Variants in LNX1 observed in about 807,000 individuals in gnomAD.
The protein encoded by LNX1 is ligand of numb-protein X 1.
A neutral mutation model predicts 68.4 loss-of-function variants in LNX1; 54 were observed. That is an observed-to-expected ratio of 0.79 (90% CI 0.63 to 0.99). The LOEUF (loss-of-function observed/expected upper bound fraction) is 0.99. Ranked by LOEUF, LNX1 falls within the 50% of genes least tolerant of loss-of-function variation. The probability of loss-of-function intolerance (pLI) is 0.00; values close to 1 mark genes in which losing one functional copy is unlikely to be tolerated. For synonymous variants in LNX1, 336 were observed against 350.0 expected (o/e 0.96, Z 0.45); for missense variants, 906 against 926.4 (o/e 0.98, Z 0.29).
chr4:53,472,700 C>CAA (rs1217664886), intron 9 of LNX1, among the ~76,000 whole-genome samples: 6 of 109,626 alleles, frequency 5.5e-5, no homozygotes, highest in East Asian at 2.7e-4. Flanking sequence ...AAAAAAAAAA[C>CAA]AAAAAACAAT....
chr4:53,631,162 A>G (rs1275423942), intron 1 of LNX1, among the ~76,000 whole-genome samples: 1 of 152,194 alleles, frequency 6.6e-6, no homozygotes, highest in African/African-American at 2.4e-5. Context: ...AGACAGTTTT[A>G]GTACCCAGGG....
intron 2 of LNX1, among the ~76,000 whole-genome samples, chr4:53,520,478 C>T (rs2109571953): frequency 6.6e-6 from 1 of 152,326 alleles, no homozygotes; most frequent in South Asian, 2.1e-4. Flanking sequence ...GAGTCTCTGG[C>T]ATCTTTGGGG....
intron 2 of LNX1, among the ~76,000 whole-genome samples, chr4:53,537,964 G>C (rs991933277): frequency 5.3e-5 from 8 of 152,196 alleles, no homozygotes; most frequent in Non-Finnish European, 1.2e-4. Context: ...CTGGGGGAGA[G>C]AGCCTTGGCT....
At chr4:53,634,291 T>A (rs1205236687) in intron 1 of LNX1, among the ~76,000 whole-genome samples, 1 of 150,814 alleles carries the variant, frequency 6.6e-6, no homozygotes, top group East Asian at 2.0e-4. Context: ...TCACCCAGGC[T>A]GGAGTACAGT....
At chr4:53,510,860 G>A (rs750883256) in intron 2 of LNX1, among the ~76,000 whole-genome samples, 8 of 152,350 alleles carry the variant, frequency 5.3e-5, no homozygotes, top group Non-Finnish European at 8.8e-5. Context: ...CCATGGCTTT[G>A]TTGGGAGGAC....
intron 2 of LNX1, among the ~76,000 whole-genome samples, chr4:53,572,280 A>G (rs183181430): frequency 6.6e-5 from 10 of 152,206 alleles, no homozygotes; most frequent in Admixed American, 5.9e-4. Flanking sequence ...CTTTAACCAC[A>G]TCTATTTCTG....
chr4:53,517,592 T>C (rs1047289086), intron 2 of LNX1, among the ~76,000 whole-genome samples: 2 of 152,238 alleles, frequency 1.3e-5, no homozygotes, highest in African/African-American at 4.8e-5. Context: ...TTTGGATAAT[T>C]ACGTTCTACG....
chr4:53,554,488 A>C (rs1729750838), intron 2 of LNX1, among the ~76,000 whole-genome samples: 1 of 152,382 alleles, frequency 6.6e-6, no homozygotes, highest in African/African-American at 2.4e-5. Flanking sequence ...TTCAGGCATT[A>C]TATATTCATT....
intron 6 of LNX1, among the ~76,000 whole-genome samples, chr4:53,486,700 G>A (rs2109435718): frequency 6.6e-6 from 1 of 152,176 alleles, no homozygotes; most frequent in East Asian, 1.9e-4. Flanking sequence ...AGAAAAAAAA[G>A]AGGGTTAAAA....
chr4:53,478,569 T>G lies in LNX1; in HGVS notation c.1659A>C (p.Lys553Asn). 4 of 1,606,768 alleles carry G rather than the reference T, an allele frequency of 2.5e-6. No individual in the cohort carries two copies. In the South Asian group the frequency reaches 4.5e-5, roughly 18 times the overall value. ...TAAAATCCCTTTACTTTTTACCTGTTTTTATTCTTCCATCTCTGCTTATGA... is the reference window on the plus strand; with the variant it reads ...TAAAATCCCTTTACTTTTTACCTGTGTTTATTCTTCCATCTCTGCTTATGA... ...GGVISRDGRI[K>N]TGDILLNVDG... Residue 553 changes from lysine to asparagine, a missense_variant, in exon 8 of 11, where the codon AAA becomes AAC. By Grantham distance (94) the Lys-to-Asn change is moderately conservative. Transcript: ENST00000263925.
Position 53,508,215 on chromosome 4 carries a change from G to A in LNX1, c.393C>T (p.Ala131=). Residue 131 remains alanine, a synonymous_variant, in exon 3 of 11, where the codon GCC becomes GCT. Coordinates refer to ENST00000263925, the MANE Select transcript of LNX1 (RefSeq NM_001126328.3). ...EHHFQTSCKG[A]SHYGLTKDRK... The stretch of plus-strand genomic sequence containing the variant: ...TATCTTTGGTCAGGCCGTAGTGGGA[G>A]GCACCTTTACAGCTGTAACAGAACC... The A allele has an allele frequency of 6.2e-7, 1 of 1,613,916 alleles. No homozygotes were observed. The highest frequency in any genetic ancestry group is 8.5e-7 in the Non-Finnish European group (1 of 1,179,812).
chr4:53,539,438 C>T (rs1183659786), intron 2 of LNX1: 1 of 152,276 alleles, frequency 6.6e-6, no homozygotes, highest in Non-Finnish European at 1.5e-5. Context: ...AATCTCTGCT[C>T]ACTGCAGCCT....
At chr4:53,590,375 G>A (rs2109819405) in intron 1 of LNX1, among the ~76,000 whole-genome samples, 1 of 152,346 alleles carries the variant, frequency 6.6e-6, no homozygotes, top group South Asian at 2.1e-4. Flanking sequence ...GCTGATGTTG[G>A]AATCTAGAAT....
chr4:53,515,515 C>G (rs1049020925), intron 2 of LNX1, among the ~76,000 whole-genome samples: 4 of 137,678 alleles, frequency 2.9e-5, no homozygotes, highest in East Asian at 2.4e-4. Flanking sequence ...AGGCCCCCAC[C>G]CCACCAAAAA....
upstream of LNX1, among the ~76,000 whole-genome samples, chr4:53,592,241 G>C (rs564756282): frequency 5.9e-5 from 9 of 152,224 alleles, no homozygotes; most frequent in South Asian, 1.7e-3. Flanking sequence ...GATTGGAATG[G>C]TAGTACTGTC....
intron 9 of LNX1, among the ~76,000 whole-genome samples, chr4:53,465,151 C>G (rs1458029919): frequency 6.6e-6 from 1 of 152,088 alleles, no homozygotes; most frequent in African/African-American, 2.4e-5. Context: ...AAATATTAAG[C>G]TCAGTAAAAA....
intron 2 of LNX1, among the ~76,000 whole-genome samples, chr4:53,547,283 A>G (rs2109683141): frequency 6.6e-6 from 1 of 152,362 alleles, no homozygotes; most frequent in Non-Finnish European, 1.5e-5. Flanking sequence ...AACTCCCTCC[A>G]TTACTCATGA....
At chr4:53,480,143 T>C (rs1318969777) in intron 7 of LNX1, among the ~76,000 whole-genome samples, 1 of 152,256 alleles carries the variant, frequency 6.6e-6, no homozygotes, top group Non-Finnish European at 1.5e-5. Flanking sequence ...AGTAAGAATA[T>C]AAAAACTGAA....
intron 2 of LNX1, among the ~76,000 whole-genome samples, chr4:53,534,619 G>A (rs1411472851): frequency 6.6e-6 from 1 of 152,186 alleles, no homozygotes; most frequent in Non-Finnish European, 1.5e-5. Context: ...TCTAGTCTGG[G>A]TAACAGAGCA....
Sources: allele counts gnomAD v4.1 joint callset (sites outside exome capture counted in the v4.1 genomes callset), GRCh38; gene constraint gnomAD v4.1.1; transcripts MANE v1.5; gene names NCBI Gene and HGNC (gene_info 2026-07-23, HGNC 2026-07-21).